Variants in SPOCK1 observed in about 807,000 individuals in gnomAD.
SPOCK1 encodes testican-1.
In SPOCK1, 23 loss-of-function variants were observed where a neutral mutation model predicts 55.3. The observed-to-expected ratio is 0.42, with a 90% confidence interval of 0.30 to 0.59. The LOEUF is 0.59. SPOCK1 is among the 20% of genes least tolerant of loss of function. The pLI, the probability that SPOCK1 is intolerant of heterozygous loss-of-function variation, is 0.22. For missense variants in SPOCK1, 499 were observed against 552.5 expected, an observed-to-expected ratio of 0.90 and a Z score of 0.97; for synonymous variants, 226 against 221.0, an observed-to-expected ratio of 1.02 and a Z score of -0.20.
intron 9 of SPOCK1, among the ~76,000 whole-genome samples, chr5:136,983,852 G>T (rs1477804706): frequency 6.6e-6 from 1 of 152,156 alleles, no homozygotes; most frequent in African/African-American, 2.4e-5. Context: ...AACAAAATGG[G>T]ATTTATTTTA....
intron 3 of SPOCK1, among the ~76,000 whole-genome samples, chr5:137,251,150 G>A (rs1353138796): frequency 1.3e-5 from 2 of 152,134 alleles, no homozygotes; most frequent in African/African-American, 4.8e-5. Flanking sequence ...AAGTTCTCAG[G>A]TAAAGACCAC....
At chr5:137,381,847 C>T (rs1417633909) in intron 2 of SPOCK1, among the ~76,000 whole-genome samples, 2 of 152,214 alleles carry the variant, frequency 1.3e-5, no homozygotes, top group Non-Finnish European at 2.9e-5. Flanking sequence ...TAACATTTAG[C>T]TCCTCTTTAC....
At chr5:136,984,101 C>A (rs1351043100) in intron 9 of SPOCK1, among the ~76,000 whole-genome samples, 1 of 152,166 alleles carries the variant, frequency 6.6e-6, no homozygotes, top group Non-Finnish European at 1.5e-5. Context: ...AGCCACTTTG[C>A]CTTCAGACCA....
At chr5:137,025,983 T>TACAA (rs1751666963) in intron 6 of SPOCK1, among the ~76,000 whole-genome samples, 1 of 152,160 alleles carries the variant, frequency 6.6e-6, no homozygotes, top group African/African-American at 2.4e-5. Context: ...TAAGGACTCA[T>TACAA]ACAAACAAGT....
intron 6 of SPOCK1, among the ~76,000 whole-genome samples, chr5:137,004,352 T>A (rs1003972155): frequency 6.6e-6 from 1 of 152,096 alleles, no homozygotes; most frequent in Non-Finnish European, 1.5e-5. Flanking sequence ...CTATTCCAAA[T>A]CCTGCTTGCT....
chr5:137,265,383 A>G (rs1756828936), intron 3 of SPOCK1, among the ~76,000 whole-genome samples: 2 of 152,226 alleles, frequency 1.3e-5, no homozygotes, highest in South Asian at 4.1e-4. Context: ...TCTTAGCTAA[A>G]AAGAATCAGT....
At chr5:137,126,378 C>T (rs937059535) in intron 4 of SPOCK1, among the ~76,000 whole-genome samples, 1 of 152,184 alleles carries the variant, frequency 6.6e-6, no homozygotes, top group Non-Finnish European at 1.5e-5. Context: ...ATTACCCAGC[C>T]TCAGGTGTTC....
At chr5:137,080,860 G>A (rs748011238) in intron 5 of SPOCK1, among the ~76,000 whole-genome samples, 12 of 152,290 alleles carry the variant, frequency 7.9e-5, no homozygotes, top group Admixed American at 1.3e-4. Flanking sequence ...AGATGACCAC[G>A]TCACTAATAA....
chr5:137,351,618 A>G (rs948811563), intron 2 of SPOCK1, among the ~76,000 whole-genome samples: 6 of 152,202 alleles, frequency 3.9e-5, no homozygotes, highest in Non-Finnish European at 8.8e-5. Context: ...CATCTTGCAA[A>G]GGGGCCTGAC....
chr5:137,159,237 C>T (rs1015192866), intron 3 of SPOCK1, among the ~76,000 whole-genome samples: 1 of 152,128 alleles, frequency 6.6e-6, no homozygotes, highest in Non-Finnish European at 1.5e-5. Context: ...GAAGGAGTTA[C>T]ATGAGGCAAG....
At chr5:137,433,671 C>G (rs976738727) in intron 2 of SPOCK1, among the ~76,000 whole-genome samples, 5 of 152,158 alleles carry the variant, frequency 3.3e-5, no homozygotes, top group Non-Finnish European at 7.3e-5. Flanking sequence ...ACAGGCCAGT[C>G]CTAACCTCCC....
intron 6 of SPOCK1, among the ~76,000 whole-genome samples, chr5:137,004,936 T>G (rs2126970826): frequency 6.6e-6 from 1 of 152,212 alleles, no homozygotes; most frequent in African/African-American, 2.4e-5. Flanking sequence ...AAACAGAAGC[T>G]GCACAGGAAA....
At chr5:137,426,322 G>C (rs1344214391) in intron 2 of SPOCK1, among the ~76,000 whole-genome samples, 1 of 152,126 alleles carries the variant, frequency 6.6e-6, no homozygotes, top group Admixed American at 6.5e-5. Flanking sequence ...ATTATCAACT[G>C]CTTACTCCCC....
chr5:137,121,603 A>G (rs1241335633), intron 4 of SPOCK1, among the ~76,000 whole-genome samples: 1 of 147,286 alleles, frequency 6.8e-6, no homozygotes, highest in Non-Finnish European at 1.5e-5. Context: ...TATATAATAT[A>G]TTCTATATTA....
chr5:137,408,845 C>A (rs981706295), intron 2 of SPOCK1, among the ~76,000 whole-genome samples: 1 of 152,204 alleles, frequency 6.6e-6, no homozygotes, highest in African/African-American at 2.4e-5. Flanking sequence ...GCTGCATGGC[C>A]TTGCCCATGC....
intron 2 of SPOCK1, among the ~76,000 whole-genome samples, chr5:137,465,774 T>C (rs557468522): frequency 2.6e-5 from 4 of 152,326 alleles, no homozygotes; most frequent in Admixed American, 6.5e-5. Context: ...GCAAGAGATA[T>C]AGAATCACAC....
At chr5:137,121,591 T>A (rs1753684489) in intron 4 of SPOCK1, among the ~76,000 whole-genome samples, 1 of 147,292 alleles carries the variant, frequency 6.8e-6, no homozygotes, top group Non-Finnish European at 1.5e-5. Flanking sequence ...TATTATATAT[T>A]ATATATAATA....
At chr5:137,258,399 C>A (rs966393712) in intron 3 of SPOCK1, among the ~76,000 whole-genome samples, 1 of 152,206 alleles carries the variant, frequency 6.6e-6, no homozygotes. Context: ...CAAAACAAAA[C>A]CCCCATCTCA....
rs144083083 is a variant in SPOCK1 at position 137,111,906 on chromosome 5, G to A, written c.474+529C>T. Among the ~76,000 whole-genome samples, 26 of 152,160 alleles carry A rather than the reference G, an allele frequency of 1.7e-4. No homozygotes were observed. In the East Asian group the frequency reaches 4.6e-3, roughly 27 times the overall value. On this transcript the variant is annotated intron_variant, in intron 5 of 10. Transcript: ENST00000394945. ...AGTTAAAATGACCTGTCACACACTT[G>A]TCCCTACCCCCATTCATCTGTGAAT...
Sources: allele counts gnomAD v4.1 joint callset (sites outside exome capture counted in the v4.1 genomes callset), GRCh38; gene constraint gnomAD v4.1.1; transcripts MANE v1.5; gene names NCBI Gene and HGNC (gene_info 2026-07-23, HGNC 2026-07-21).